IMMP2L: variants seen among roughly 807,000 people sequenced by gnomAD.
IMMP2L encodes the protein mitochondrial inner membrane protease subunit 2.
IMMP2L carries 18 observed loss-of-function variants against 19.3 expected under a neutral mutation model. The observed-to-expected ratio is 0.93, with a 90% CI of 0.64 to 1.38. The LOEUF (loss-of-function observed/expected upper bound fraction) is 1.38, where lower values mean the gene tolerates loss of function less well. Ranked by LOEUF, IMMP2L falls within the 40% of genes most tolerant of loss-of-function variation. The pLI is 0.00. For synonymous variants in IMMP2L, 76 were observed against 73.0 expected (o/e 1.04, Z -0.21); for missense variants, 233 against 218.2 (o/e 1.07, Z -0.43).
At chr7:111,314,754 C>T (rs890121338) in intron 3 of IMMP2L, among the ~76,000 whole-genome samples, 3 of 152,192 alleles carry the variant, frequency 2.0e-5, no homozygotes, top group Non-Finnish European at 2.9e-5. Flanking sequence ...TTTCAATGTC[C>T]ATTTTAATAA....
chr7:110,825,291 C>T (rs1214246417), intron 5 of IMMP2L, among the ~76,000 whole-genome samples: 1 of 152,132 alleles, frequency 6.6e-6, no homozygotes, highest in African/African-American at 2.4e-5. Context: ...CATGCCATCC[C>T]CATCAAGCTA....
At chr7:111,447,602 C>T in intron 3 of IMMP2L, among the ~76,000 whole-genome samples, 1 of 151,178 alleles carries the variant, frequency 6.6e-6, no homozygotes, top group Non-Finnish European at 1.5e-5. Context: ...GCTGCAAAAT[C>T]ATGCCAAAAT....
At chr7:111,263,758 A>G (rs1562981946) in intron 3 of IMMP2L, among the ~76,000 whole-genome samples, 2 of 152,168 alleles carry the variant, frequency 1.3e-5, no homozygotes, top group Non-Finnish European at 2.9e-5. Flanking sequence ...GAGTAAGCAA[A>G]GATGACTGAG....
intron 5 of IMMP2L, among the ~76,000 whole-genome samples, chr7:110,809,587 C>A (rs536756207): frequency 2.0e-5 from 3 of 151,754 alleles, no homozygotes; most frequent in African/African-American, 7.2e-5. Context: ...AACAAACGGG[C>A]CAGACCAAAA....
chr7:111,181,883 G>T (rs988350076), intron 3 of IMMP2L, among the ~76,000 whole-genome samples: 1 of 151,924 alleles, frequency 6.6e-6, no homozygotes, highest in Non-Finnish European at 1.5e-5. Flanking sequence ...TTTGTAGCTA[G>T]CTCATCTGTC....
intron 5 of IMMP2L, among the ~76,000 whole-genome samples, chr7:110,748,924 T>G (rs1381573542): frequency 6.6e-6 from 1 of 152,092 alleles, no homozygotes; most frequent in Non-Finnish European, 1.5e-5. Context: ...TAAAGAGCTT[T>G]TGCACAGCAA....
chr7:111,444,182 C>T (rs1226512360), intron 3 of IMMP2L, among the ~76,000 whole-genome samples: 1 of 152,006 alleles, frequency 6.6e-6, no homozygotes, highest in Non-Finnish European at 1.5e-5. Flanking sequence ...ATTACATTGT[C>T]CTTTTTCTGA....
chr7:111,495,756 G>T (rs374566759), intron 2 of IMMP2L, among the ~76,000 whole-genome samples: 1 of 152,042 alleles, frequency 6.6e-6, no homozygotes, highest in East Asian at 1.9e-4. Flanking sequence ...TAATTTTAAA[G>T]AATCTACAGC....
intron 3 of IMMP2L, among the ~76,000 whole-genome samples, chr7:111,095,714 A>C (rs1171926600): frequency 6.6e-6 from 1 of 152,064 alleles, no homozygotes; most frequent in East Asian, 1.9e-4. Context: ...AAGGTTTTCC[A>C]AGAATTCTGA....
At chr7:110,902,618 A>G (rs184568551) in intron 4 of IMMP2L, among the ~76,000 whole-genome samples, 1 of 151,642 alleles carries the variant, frequency 6.6e-6, no homozygotes, top group Admixed American at 6.6e-5. Flanking sequence ...AGAGACTTTA[A>G]TATCAATCTA....
intron 5 of IMMP2L, among the ~76,000 whole-genome samples, chr7:110,842,948 G>A (rs1158779727): frequency 6.6e-6 from 1 of 152,116 alleles, no homozygotes; most frequent in Non-Finnish European, 1.5e-5. Context: ...GGCAATTTAA[G>A]ATGTCTTAAT....
At chr7:111,455,492 C>T (rs1022082892) in intron 3 of IMMP2L, among the ~76,000 whole-genome samples, 1 of 152,140 alleles carries the variant, frequency 6.6e-6, no homozygotes, top group Non-Finnish European at 1.5e-5. Flanking sequence ...AGTCATAAGT[C>T]ATCCCATTCA....
rs112416026 is a variant in IMMP2L, at chr7:111,242,674, T to C, written c.239+244564A>G. ...TTCTTCATTCTGAAGGCCTCGTGCA[T>C]CACTGAATGCTGGACATCTCAGATG... On this transcript the variant is annotated intron_variant, in intron 3 of 5. Coordinates refer to ENST00000405709, the MANE Select transcript of IMMP2L (RefSeq NM_032549.4). Among the ~76,000 whole-genome samples the C allele has an allele frequency of 3.2e-3, 488 of 152,114 alleles. 2 individuals carry two copies. The highest frequency in any genetic ancestry group is 0.011 in the African/African-American group (462 of 41,506).
At chr7:111,154,836 C>T (rs541223531) in intron 3 of IMMP2L, among the ~76,000 whole-genome samples, 3 of 152,130 alleles carry the variant, frequency 2.0e-5, no homozygotes, top group Admixed American at 6.5e-5. Flanking sequence ...TGGTTCATTG[C>T]AGCCTTGACT....
intron 3 of IMMP2L, among the ~76,000 whole-genome samples, chr7:111,007,664 T>G (rs190977720): frequency 2.0e-5 from 3 of 152,236 alleles, no homozygotes; most frequent in Admixed American, 1.3e-4. Flanking sequence ...TATGTACACA[T>G]ATAGACATGT....
At chr7:111,106,671 A>T (rs1798583459) in intron 3 of IMMP2L, among the ~76,000 whole-genome samples, 1 of 148,232 alleles carries the variant, frequency 6.7e-6, no homozygotes, top group African/African-American at 2.5e-5. Flanking sequence ...AACAGGAATT[A>T]AAGTCTCGGT....
chr7:111,134,195 A>G (rs77175616), intron 3 of IMMP2L, among the ~76,000 whole-genome samples: 1,637 of 152,158 alleles, frequency 0.011, 39 homozygotes, highest in African/African-American at 0.037. Context: ...TATAGGAAAA[A>G]CCAAAAAAAG....
intron 3 of IMMP2L, among the ~76,000 whole-genome samples, chr7:111,148,203 T>C (rs1157610740): frequency 6.6e-6 from 1 of 152,110 alleles, no homozygotes; most frequent in Non-Finnish European, 1.5e-5. Context: ...TGATACATGC[T>C]AAAATATTGT....
At chr7:111,021,713 T>A (rs1378799764) in intron 3 of IMMP2L, among the ~76,000 whole-genome samples, 4 of 152,122 alleles carry the variant, frequency 2.6e-5, no homozygotes, top group Non-Finnish European at 5.9e-5. Flanking sequence ...TGAAACACCA[T>A]CTCTACTAAA....
Sources: allele counts gnomAD v4.1 joint callset (sites outside exome capture counted in the v4.1 genomes callset), GRCh38; gene constraint gnomAD v4.1.1; transcripts MANE v1.5; gene names NCBI Gene and HGNC (gene_info 2026-07-23, HGNC 2026-07-21).